The following SATB1 variants were observed in gnomAD, a reference collection of about 807,000 sequenced individuals.
SATB1 encodes the protein SATB homeobox 1.
A neutral mutation model predicts 86.9 loss-of-function variants in SATB1; 11 were observed. The observed-to-expected ratio is 0.13, with a 90% confidence interval of 0.08 to 0.21. The LOEUF is 0.21. Ranked by LOEUF, SATB1 falls within the 10% of genes least tolerant of loss-of-function variation. The probability of loss-of-function intolerance (pLI) is 1.00; values close to 1 mark genes in which losing one functional copy is unlikely to be tolerated. For synonymous variants in SATB1, 357 were observed against 357.2 expected, an observed-to-expected ratio of 1.00 and a Z score of 0.01; for missense variants, 551 against 937.6, an observed-to-expected ratio of 0.59 and a Z score of 5.39.
In SATB1 at chr3:18,416,078, G is replaced by A. The variant is rs1410430627; in HGVS notation, c.444C>T (p.Ala148=). The A allele has an allele frequency of 3.7e-6, 6 of 1,610,420 alleles. No individual in the cohort carries two copies. The highest frequency in any genetic ancestry group is 2.7e-5 in the African/African-American group (2 of 74,698). Residue 148 remains alanine (A), a synonymous_variant, in exon 4 of 11, where the codon GCC becomes GCT. Coordinates refer to ENST00000338745, the MANE Select transcript of SATB1 (RefSeq NM_002971.6). ...GCATATCTGCTACTGTAGCATCAGG[G>A]GCATCTGTCACGTAAGACAGTGGAA... is the stretch of plus-strand genomic sequence containing the variant. ...NPVPLSYVTD[A]PDATVADMLQ...
At chr3:18,445,083 T>TA in intron 1 of SATB1, 1 of 433,166 alleles carries the variant, frequency 2.3e-6, no homozygotes. Context: ...GACGTGGCGC[T>TA]TCGGACCGGG....
chr3:18,400,333 C>T (rs958038215), intron 5 of SATB1, among the ~76,000 whole-genome samples: 2 of 152,150 alleles, frequency 1.3e-5, no homozygotes, highest in African/African-American at 2.4e-5. Flanking sequence ...AATATAAACA[C>T]TAAATGTTCA....
chr3:18,445,145 T>G, intron 1 of SATB1: 1 of 874,242 alleles, frequency 1.1e-6, no homozygotes. Flanking sequence ...GCTTCGGAGC[T>G]TGTGCGGCGC....
chr3:18,381,144 C>G (rs1696037736), intron 8 of SATB1, among the ~76,000 whole-genome samples: 1 of 152,178 alleles, frequency 6.6e-6, no homozygotes, highest in Non-Finnish European at 1.5e-5. Flanking sequence ...CTAGAGTCTG[C>G]TTTTTATTTC....
intron 9 of SATB1, among the ~76,000 whole-genome samples, chr3:18,375,898 T>G (rs1695723170): frequency 6.6e-6 from 1 of 152,206 alleles, no homozygotes; most frequent in South Asian, 2.1e-4. Flanking sequence ...ATAAAGTTAA[T>G]AGTTTGCTTG....
At chr3:18,440,346 G>A (rs1699206215), upstream of SATB1, among the ~76,000 whole-genome samples, 3 of 152,118 alleles carry the variant, frequency 2.0e-5, no homozygotes, top group Admixed American at 2.0e-4. Context: ...TGTCTTTAAA[G>A]TTTTGCCATA....
At chr3:18,442,316 TATA>T (rs1321882198), upstream of SATB1, among the ~76,000 whole-genome samples, 4 of 152,304 alleles carry the variant, frequency 2.6e-5, no homozygotes, top group East Asian at 5.8e-4. Context: ...ATTTCTCTTG[TATA>T]ATGTTAGATG....
intron 6 of SATB1, among the ~76,000 whole-genome samples, chr3:18,396,169 C>T (rs927404056): frequency 9.9e-5 from 15 of 152,154 alleles, no homozygotes; most frequent in African/African-American, 3.4e-4. Context: ...GATGCATTGT[C>T]TTCATTACAG....
At chr3:18,418,084 T>C (rs190768468) in intron 2 of SATB1, among the ~76,000 whole-genome samples, 2 of 152,264 alleles carry the variant, frequency 1.3e-5, no homozygotes, top group Admixed American at 6.5e-5. Context: ...TGCATCTGAA[T>C]TGTACTGTGG....
chr3:18,420,725 A>T (rs1471484163), intron 2 of SATB1, 32 bp downstream of exon 2: 1 of 1,590,306 alleles, frequency 6.3e-7, no homozygotes. Context: ...CAGGGCTTTC[A>T]GCTTTTCAAG....
At chr3:18,428,458 G>A (rs1318945909), upstream of SATB1, among the ~76,000 whole-genome samples, 4 of 152,300 alleles carry the variant, frequency 2.6e-5, no homozygotes, top group Admixed American at 2.0e-4. Flanking sequence ...GAGTTTTGGA[G>A]AGGACAAGTA....
At chr3:18,369,305 C>A (rs948106877) in intron 9 of SATB1, among the ~76,000 whole-genome samples, 1 of 151,726 alleles carries the variant, frequency 6.6e-6, no homozygotes, top group Non-Finnish European at 1.5e-5. Flanking sequence ...ATTATGCACC[C>A]TACCCACCCC....
chr3:18,361,922 T>A (rs1214171021), intron 9 of SATB1, among the ~76,000 whole-genome samples: 1 of 152,174 alleles, frequency 6.6e-6, no homozygotes, highest in Non-Finnish European at 1.5e-5. Context: ...ATCAGGATCC[T>A]TAAGGTGGTC....
intron 8 of SATB1, among the ~76,000 whole-genome samples, chr3:18,383,974 A>G (rs549933151): frequency 1.3e-5 from 2 of 152,300 alleles, no homozygotes; most frequent in South Asian, 4.1e-4. Flanking sequence ...ACATACACAT[A>G]TCAGTTAGTC....
chr3:18,420,369 T>C (rs1698319737), intron 2 of SATB1, among the ~76,000 whole-genome samples: 1 of 152,202 alleles, frequency 6.6e-6, no homozygotes, highest in Admixed American at 6.5e-5. Flanking sequence ...CAACTAAGAA[T>C]CTTAGGAAGA....
upstream of SATB1, among the ~76,000 whole-genome samples, chr3:18,427,965 T>A (rs1286074340): frequency 6.6e-6 from 1 of 152,232 alleles, no homozygotes; most frequent in Non-Finnish European, 1.5e-5. Context: ...TACTATATAT[T>A]AACTACCCTT....
intron 5 of SATB1, among the ~76,000 whole-genome samples, chr3:18,410,051 A>T (rs1697754544): frequency 6.6e-6 from 1 of 152,060 alleles, no homozygotes; most frequent in South Asian, 2.1e-4. Context: ...TATACCGGCA[A>T]ATCTTCTGGA....
chr3:18,407,881 T>C (rs1697627771), intron 5 of SATB1, among the ~76,000 whole-genome samples: 1 of 152,046 alleles, frequency 6.6e-6, no homozygotes, highest in Admixed American at 6.6e-5. Context: ...AAGAGTCTCA[T>C]TGTGACATTT....
At chr3:18,391,019 G>T (rs897775641) in intron 7 of SATB1, among the ~76,000 whole-genome samples, 1 of 151,912 alleles carries the variant, frequency 6.6e-6, no homozygotes, top group Non-Finnish European at 1.5e-5. Flanking sequence ...TATCTTCAAC[G>T]GCAATTAAAG....
Sources: gnomAD v4.1 joint callset for allele counts (sites outside exome capture counted in the v4.1 genomes callset) on GRCh38, gnomAD v4.1.1 for gene constraint, MANE v1.5 for transcripts, NCBI Gene and HGNC (gene_info 2026-07-23, HGNC 2026-07-21) for gene names.